SLCO6A1: variants seen among roughly 807,000 people sequenced by gnomAD.
SLCO6A1 encodes the protein solute carrier organic anion transporter family member 6A1, also known as cancer/testis antigen 48.
In SLCO6A1, 65 loss-of-function variants were observed where a neutral mutation model predicts 72.7. The observed-to-expected ratio is 0.89, with a 90% CI of 0.73 to 1.10. The LOEUF (loss-of-function observed/expected upper bound fraction) is 1.10, where lower values mean the gene tolerates loss of function less well. Among genes scored for constraint, SLCO6A1 ranks in the 50% least tolerant of loss-of-function variants. The pLI, the probability that SLCO6A1 is intolerant of heterozygous loss-of-function variation, is 0.00. For synonymous variants in SLCO6A1, 314 were observed against 298.2 expected (o/e 1.05, Z -0.55); for missense variants, 874 against 872.6 (o/e 1.00, Z -0.02).
intron 12 of SLCO6A1, among the ~76,000 whole-genome samples, chr5:102,382,958 T>C (rs1457141704): frequency 3.5e-5 from 5 of 142,186 alleles, no homozygotes; most frequent in Admixed American, 2.7e-4. Flanking sequence ...ATGAGAGATA[T>C]ATATATGTGT....
rs151327612 is a variant in SLCO6A1 at position 102,469,652 on chromosome 5, C to A, written c.899+6045G>T. On this transcript the variant is annotated intron_variant, in intron 4 of 13. Transcript: ENST00000506729. ...TTTTGTAATTAAATACCCTTTATTT[C>A]TTTCTCTTGCCTGATTGCCCTGGCC... is the stretch of plus-strand genomic sequence containing the variant. Among the ~76,000 whole-genome samples the A allele has an allele frequency of 8.3e-3, 1,257 of 152,236 alleles. 12 individuals are homozygous for A. Among genetic ancestry groups the A allele is most frequent in the Non-Finnish European group, 0.015 (1,007 of 68,030 alleles).
chr5:102,454,656 G>A (rs1369680131), intron 6 of SLCO6A1, among the ~76,000 whole-genome samples: 1 of 150,978 alleles, frequency 6.6e-6, no homozygotes, highest in Non-Finnish European at 1.5e-5. Flanking sequence ...ATTGGAATTG[G>A]CTTGCTTTTT....
intron 6 of SLCO6A1, among the ~76,000 whole-genome samples, chr5:102,449,874 C>T (rs1157339671): frequency 6.6e-6 from 1 of 152,074 alleles, no homozygotes; most frequent in East Asian, 1.9e-4. Flanking sequence ...TTATTTTTGT[C>T]TGAGTTAATT....
intron 1 of SLCO6A1, among the ~76,000 whole-genome samples, chr5:102,481,075 T>C (rs2112832711): frequency 6.6e-6 from 1 of 152,276 alleles, no homozygotes; most frequent in South Asian, 2.1e-4. Context: ...TGAAACAAAA[T>C]TAATTGATGT....
intron 7 of SLCO6A1, among the ~76,000 whole-genome samples, chr5:102,434,366 G>A (rs1274039402): frequency 1.3e-5 from 2 of 152,082 alleles, no homozygotes; most frequent in Non-Finnish European, 2.9e-5. Context: ...AAAGACCTGG[G>A]TTCCCTAACC....
At chr5:102,469,372 C>T (rs1316646868) in intron 4 of SLCO6A1, among the ~76,000 whole-genome samples, 1 of 152,040 alleles carries the variant, frequency 6.6e-6, no homozygotes, top group African/African-American at 2.4e-5. Flanking sequence ...TGAAGAGGTC[C>T]TTCACATCCC....
At chr5:102,497,058 A>G (rs988751387) in intron 1 of SLCO6A1, among the ~76,000 whole-genome samples, 1 of 152,182 alleles carries the variant, frequency 6.6e-6, no homozygotes, top group Non-Finnish European at 1.5e-5. Context: ...TTTTGATTGC[A>G]CTTATTTAGA....
At chr5:102,443,838 T>C (rs1374331980) in intron 6 of SLCO6A1, among the ~76,000 whole-genome samples, 8 of 150,848 alleles carry the variant, frequency 5.3e-5, no homozygotes, top group African/African-American at 2.0e-4. Flanking sequence ...ATACAAAGAG[T>C]TTTATGCAGT....
At chr5:102,427,840 G>GTATATATATATA (rs1192315166) in intron 7 of SLCO6A1, among the ~76,000 whole-genome samples, 1 of 102,750 alleles carries the variant, frequency 9.7e-6, no homozygotes, top group African/African-American at 3.5e-5. Context: ...GTGTGTGTAT[G>GTATATATATATA]TATACATATA....
At chr5:102,459,804 A>AG in intron 4 of SLCO6A1, 27 bp from the exon 5 acceptor site, 1 of 1,545,694 alleles carries the variant, frequency 6.5e-7, no homozygotes, top group Non-Finnish European at 8.7e-7. Flanking sequence ...TGAAAAAAAA[A>AG]AGCAACTTTA....
chr5:102,433,667 C>T (rs532466740), intron 7 of SLCO6A1, among the ~76,000 whole-genome samples: 4 of 152,262 alleles, frequency 2.6e-5, no homozygotes, highest in African/African-American at 7.2e-5. Flanking sequence ...CTGCTGGTCA[C>T]AACACTCCAA....
intron 1 of SLCO6A1, among the ~76,000 whole-genome samples, chr5:102,493,625 G>C (rs1752782977): frequency 6.6e-6 from 1 of 152,126 alleles, no homozygotes; most frequent in African/African-American, 2.4e-5. Flanking sequence ...ATTGACCATT[G>C]TACCAGGGAG....
At chr5:102,467,672 G>C (rs370523106) in intron 4 of SLCO6A1, among the ~76,000 whole-genome samples, 1 of 152,032 alleles carries the variant, frequency 6.6e-6, no homozygotes, top group African/African-American at 2.4e-5. Flanking sequence ...TGTGGTATCA[G>C]TTGTAATATC....
intron 8 of SLCO6A1, among the ~76,000 whole-genome samples, chr5:102,417,646 T>A (rs2112605229): frequency 6.6e-6 from 1 of 152,308 alleles, no homozygotes; most frequent in South Asian, 2.1e-4. Context: ...AGACAAGTAA[T>A]AATTTTAAAA....
At chr5:102,495,605 T>A (rs1364474302) in intron 1 of SLCO6A1, among the ~76,000 whole-genome samples, 1 of 152,078 alleles carries the variant, frequency 6.6e-6, no homozygotes, top group Non-Finnish European at 1.5e-5. Context: ...GCAGAGGCAG[T>A]CTCAAAATTA....
intron 8 of SLCO6A1, among the ~76,000 whole-genome samples, chr5:102,413,394 T>C (rs1439840611): frequency 4.6e-5 from 7 of 151,168 alleles, no homozygotes; most frequent in African/African-American, 9.7e-5. Context: ...AAAGTTTATT[T>C]ATAACAAACA....
chr5:102,442,047 GT>G (rs1191105529), intron 6 of SLCO6A1, among the ~76,000 whole-genome samples: 12 of 152,014 alleles, frequency 7.9e-5, no homozygotes, highest in African/African-American at 2.9e-4. Context: ...CCTAAAGAGA[GT>G]TATAGCTATA....
At chr5:102,428,750 C>T (rs4703227) in intron 7 of SLCO6A1, among the ~76,000 whole-genome samples, 39,307 of 151,922 alleles carry the variant, frequency 0.26, 5,296 homozygotes, top group South Asian at 0.34. Flanking sequence ...AATAGTGCTG[C>T]GATGAACATA....
chr5:102,445,750 G>A (rs923588107), intron 6 of SLCO6A1, among the ~76,000 whole-genome samples: 3 of 152,144 alleles, frequency 2.0e-5, no homozygotes, highest in African/African-American at 4.8e-5. Flanking sequence ...TTTTGTATAT[G>A]GTGAAAGGTA....
Sources: gnomAD v4.1 joint callset for allele counts (sites outside exome capture counted in the v4.1 genomes callset) on GRCh38, gnomAD v4.1.1 for gene constraint, MANE v1.5 for transcripts, NCBI Gene and HGNC (gene_info 2026-07-23, HGNC 2026-07-21) for gene names.